TXLNG: variants seen among roughly 807,000 people sequenced by gnomAD.
TXLNG encodes gamma-taxilin.
In TXLNG, 5 loss-of-function variants were observed where a neutral mutation model predicts 38.8. That is an observed-to-expected ratio of 0.13 (90% confidence interval 0.07 to 0.27). TXLNG has a LOEUF of 0.27. Ranked by LOEUF, TXLNG falls within the 10% of genes least tolerant of loss-of-function variation. The pLI, the probability that TXLNG is intolerant of heterozygous loss-of-function variation, is 1.00. For missense variants in TXLNG, 393 were observed against 398.2 expected (o/e 0.99, Z 0.11); for synonymous variants, 182 against 158.2 (o/e 1.15, Z -1.13).
chrX:16,793,779 G>C (rs1269058841), intron 1 of TXLNG, among the ~76,000 whole-genome samples: 2 of 109,508 alleles, frequency 1.8e-5, no homozygotes, highest in Admixed American at 2.0e-4. Context: ...TAGTAGCTAG[G>C]ACTACAGGTG....
At chrX:16,809,898 A>G (rs1928455498) in intron 1 of TXLNG, among the ~76,000 whole-genome samples, 1 of 112,033 alleles carries the variant, frequency 8.9e-6, no homozygotes, top group Non-Finnish European at 1.9e-5. Context: ...CCATTATTAA[A>G]TAGGCTTCTC....
chrX:16,808,339 A>G (rs1209022479), intron 1 of TXLNG, among the ~76,000 whole-genome samples: 1 of 112,106 alleles, frequency 8.9e-6, no homozygotes, highest in Non-Finnish European at 1.9e-5. Context: ...CCATCTGGAA[A>G]CTACTCAGTG....
Position 16,832,811 on chromosome X carries a change from A to G in TXLNG, c.984+69A>G, listed in dbSNP as rs1444205987. ...GTAACTGAGGCCATTTGAAACATCA[A>G]ATTGTAACCAAGGCCGTTTGAAACA... is the stretch of plus-strand genomic sequence containing the variant. On this transcript the variant is annotated intron_variant, in intron 6 of 9. Coordinates refer to ENST00000380122, the MANE Select transcript of TXLNG (RefSeq NM_018360.3). The G allele has an allele frequency of 2.7e-6, 3 of 1,115,960 alleles. No homozygotes were observed. In the African/African-American group the frequency reaches 5.5e-5, roughly 21 times the overall value. 92.0% of individuals were successfully genotyped at this position (1,115,960 alleles called of 1,213,427 possible).
intron 4 of TXLNG, among the ~76,000 whole-genome samples, chrX:16,828,737 C>A (rs779002998): frequency 8.9e-6 from 1 of 112,171 alleles, no homozygotes; most frequent in Non-Finnish European, 1.9e-5. Context: ...TTTTAGGAAA[C>A]CACTTATACC....
chrX:16,811,203 C>T (rs745457190), intron 1 of TXLNG, among the ~76,000 whole-genome samples: 6 of 111,401 alleles, frequency 5.4e-5, no homozygotes, highest in Admixed American at 9.6e-5. Context: ...ACAAAAAAAT[C>T]GGAAGTATTA....
At chrX:16,826,646 AAACC>A (rs1929177082) in intron 3 of TXLNG, among the ~76,000 whole-genome samples, 1 of 111,361 alleles carries the variant, frequency 9.0e-6, no homozygotes, top group Non-Finnish European at 1.9e-5. Flanking sequence ...AAAAAAACAA[AAACC>A]TGCTGGGCAC....
At chrX:16,812,949 C>A (rs1334798389) in intron 1 of TXLNG, among the ~76,000 whole-genome samples, 5 of 109,487 alleles carry the variant, frequency 4.6e-5, no homozygotes, top group Non-Finnish European at 7.6e-5. Context: ...GATCTGCCCA[C>A]CTCAACCTCC....
chrX:16,801,030 T>C (rs1928067180), intron 1 of TXLNG, among the ~76,000 whole-genome samples: 1 of 112,304 alleles, frequency 8.9e-6, no homozygotes, highest in Admixed American at 9.4e-5. Context: ...CTGCTCTCGC[T>C]GTGTGGCACG....
rs1181905427 is a variant in TXLNG, at chrX:16,844,149, G to A, written c.*2383G>A. 8.9e-6 allele frequency: 1 copy of A among 111,826 alleles called. No homozygotes were observed. Among genetic ancestry groups the A allele is most frequent in the African/African-American group, 3.3e-5 (1 of 30,691 alleles). The allele number at this position is 111,826 out of a possible 1,213,427, so 9.2% of individuals were successfully genotyped here. Reference sequence around the variant, plus strand: ...AGAAAACTTGGGTCTTGGGTAATATGGACCATTTCATCCTCAGACTTGTTA... The same window carrying A: ...AGAAAACTTGGGTCTTGGGTAATATAGACCATTTCATCCTCAGACTTGTTA... On this transcript the variant is annotated 3_prime_UTR_variant, in exon 10 of 10. Transcript: ENST00000380122.
At chrX:16,813,848 A>T (rs1928629493) in intron 1 of TXLNG, among the ~76,000 whole-genome samples, 1 of 111,530 alleles carries the variant, frequency 9.0e-6, no homozygotes, top group South Asian at 3.7e-4. Flanking sequence ...GCACTTTGGG[A>T]GGCCGAGGTG....
intron 7 of TXLNG, among the ~76,000 whole-genome samples, chrX:16,837,213 A>G (rs1427098133): frequency 8.9e-6 from 1 of 111,861 alleles, no homozygotes; most frequent in East Asian, 2.8e-4. Flanking sequence ...AAGAGATACC[A>G]TTGCTATCAA....
chrX:16,786,834 G>A (rs1442858051), intron 1 of TXLNG, among the ~76,000 whole-genome samples: 1 of 110,336 alleles, frequency 9.1e-6, no homozygotes, highest in Non-Finnish European at 1.9e-5. Context: ...AGGGAGGGCA[G>A]GGGGCGCACG....
intron 1 of TXLNG, among the ~76,000 whole-genome samples, chrX:16,798,886 CTT>C (rs749188791): frequency 1.9e-5 from 2 of 103,641 alleles, no homozygotes; most frequent in African/African-American, 3.5e-5. Flanking sequence ...CCAGCATTTC[CTT>C]TTTTTTTTTT....
intron 1 of TXLNG, among the ~76,000 whole-genome samples, chrX:16,814,407 AG>A (rs1367015763): frequency 8.9e-6 from 1 of 111,952 alleles, no homozygotes; most frequent in Admixed American, 9.5e-5. Flanking sequence ...TAAGGTCAGG[AG>A]TTCGTGACCA....
rs776733886 is a variant in TXLNG, at chrX:16,818,872, C to T, written c.401C>T (p.Thr134Ile). 8.3e-7 allele frequency: 1 copy of T among 1,199,273 alleles called. No homozygotes were observed. The highest frequency in any genetic ancestry group is 1.7e-5 in the African/African-American group (1 of 57,201). The change falls in exon 2 of 10, where the codon ACT (threonine) becomes ATT (isoleucine). Residue 134 changes from threonine to isoleucine, a missense_variant. Thr to Ile is a moderately conservative substitution (Grantham distance 89). Coordinates refer to ENST00000380122, the MANE Select transcript of TXLNG (RefSeq NM_018360.3). ...DSECNRNKEK[T>I]LGKEVLLLMQ... is the part of the protein sequence containing the mutation. ...GAGTGCAACAGGAACAAAGAAAAAA[C>T]TTTAGGTAATAATCCGTTCAGTGGT...
rs1187884910 is a variant in TXLNG, at chrX:16,810,814, G to A, written c.103-7760G>A. The stretch of plus-strand genomic sequence containing the variant: ...AACAATTCTTGTGCCTCAGCCTCCC[G>A]AGTTTCCAGGCACGTGCCACCATGC... On this transcript the variant is annotated intron_variant, in intron 1 of 9. Transcript: ENST00000380122. Among the ~76,000 whole-genome samples the A allele has an allele frequency of 4.5e-5, 5 of 111,270 alleles. No homozygotes were observed. The East Asian group carries it at 8.4e-4, about 19-fold the overall frequency.
At chrX:16,829,464 C>G in intron 4 of TXLNG, 112 bp from the exon 5 acceptor site, 1 of 723,365 alleles carries the variant, frequency 1.4e-6, no homozygotes, top group South Asian at 3.3e-5. Context: ...AATTGTAGTT[C>G]AGAAGCAACA....
At chrX:16,824,840 C>T (rs375300242) in intron 3 of TXLNG, among the ~76,000 whole-genome samples, 6 of 109,259 alleles carry the variant, frequency 5.5e-5, no homozygotes, top group South Asian at 8.0e-4. Flanking sequence ...GCAGGAGAAT[C>T]GCTTGAACTG....
chrX:16,833,711 A>G (rs1569272166), intron 6 of TXLNG, among the ~76,000 whole-genome samples: 1 of 111,805 alleles, frequency 8.9e-6, no homozygotes, highest in Non-Finnish European at 1.9e-5. Flanking sequence ...TCTTTGGACT[A>G]TGTGTGATAT....
Sources: gnomAD v4.1 joint callset for allele counts (sites outside exome capture counted in the v4.1 genomes callset) on GRCh38, gnomAD v4.1.1 for gene constraint, MANE v1.5 for transcripts, NCBI Gene and HGNC (gene_info 2026-07-23, HGNC 2026-07-21) for gene names.